TMEM273: variants seen among roughly 807,000 people sequenced by gnomAD.
TMEM273 encodes transmembrane protein 273.
TMEM273 carries 19 observed loss-of-function variants against 17.9 expected under a neutral mutation model. That is an observed-to-expected ratio of 1.06 (90% CI 0.74 to 1.55). TMEM273 has a LOEUF of 1.55. TMEM273 is among the 40% of genes most tolerant of loss of function. The probability of loss-of-function intolerance (pLI) is 0.00; values close to 1 mark genes in which losing one functional copy is unlikely to be tolerated. For missense variants in TMEM273, 194 were observed against 155.6 expected (o/e 1.25, Z -1.31); for synonymous variants, 66 against 62.0 (o/e 1.07, Z -0.31).
intron 6 of TMEM273, among the ~76,000 whole-genome samples, chr10:49,158,044 C>T (rs1845616084): frequency 6.6e-6 from 1 of 152,038 alleles, no homozygotes; most frequent in Non-Finnish European, 1.5e-5. Context: ...GACATAATGG[C>T]AAAAACTCCA....
chr10:49,185,577 C>T (rs1266696520), intron 1 of TMEM273, among the ~76,000 whole-genome samples: 1 of 152,184 alleles, frequency 6.6e-6, no homozygotes, highest in East Asian at 1.9e-4. Flanking sequence ...CTGTCATATT[C>T]GCTTTTTGTT....
chr10:49,177,616 G>A (rs926264293), intron 1 of TMEM273, among the ~76,000 whole-genome samples: 8 of 152,230 alleles, frequency 5.3e-5, no homozygotes, highest in African/African-American at 7.2e-5. Flanking sequence ...CACTGGCTCC[G>A]AGGAAGAGTC....
At chr10:49,176,911 C>T (rs1481148802) in intron 1 of TMEM273, among the ~76,000 whole-genome samples, 1 of 152,254 alleles carries the variant, frequency 6.6e-6, no homozygotes. Context: ...CAGCATGCCA[C>T]ATGTCTAAAT....
chr10:49,184,006 G>A (rs1432046439), intron 1 of TMEM273, among the ~76,000 whole-genome samples: 1 of 151,440 alleles, frequency 6.6e-6, no homozygotes, highest in Non-Finnish European at 1.5e-5. Flanking sequence ...CACAGAAGAT[G>A]AAGCCCATTA....
chr10:49,162,594 G>T (rs2725179), intron 5 of TMEM273, among the ~76,000 whole-genome samples: 3 of 151,982 alleles, frequency 2.0e-5, no homozygotes, highest in Non-Finnish European at 4.4e-5. Flanking sequence ...AGCCTTCCCC[G>T]TGGTGAGAAG....
At chr10:49,174,781 C>G (rs984534158) in intron 1 of TMEM273, among the ~76,000 whole-genome samples, 1 of 152,146 alleles carries the variant, frequency 6.6e-6, no homozygotes, top group Non-Finnish European at 1.5e-5. Context: ...CCCCCATCCA[C>G]GGAAAGACAA....
intron 6 of TMEM273, among the ~76,000 whole-genome samples, chr10:49,158,855 C>T (rs1272311857): frequency 6.6e-6 from 1 of 152,128 alleles, no homozygotes; most frequent in African/African-American, 2.4e-5. Flanking sequence ...ATGGATCAGA[C>T]ATCTAAGTAA....
intron 1 of TMEM273, among the ~76,000 whole-genome samples, chr10:49,185,850 T>G (rs1438869212): frequency 6.6e-6 from 1 of 151,674 alleles, no homozygotes; most frequent in Non-Finnish European, 1.5e-5. Flanking sequence ...CGGGGGCATG[T>G]GCCTGTAATC....
Position 49,167,141 on chromosome 10 carries a change from C to T in TMEM273, c.98-132G>A, listed in dbSNP as rs576761378. ...CACTGGCTGAGGCCAGCCTCACCTT[C>T]TACTCTCCCATGAGTCCCTTTGCTC... On this transcript the variant is annotated intron_variant, in intron 2 of 6. Transcript: ENST00000374153. The T allele has an allele frequency of 4.0e-5, 51 of 1,261,404 alleles. 1 individual carries two copies. In the South Asian group the frequency reaches 6.8e-4, roughly 17 times the overall value. The allele number at this position is 1,261,404 out of a possible 1,614,324, so 78.1% of individuals were successfully genotyped here. A position where few individuals can be genotyped will look rare whatever the true frequency, so the allele number is the denominator to read the frequency against.
At chr10:49,188,032 C>G (rs145094512) in intron 1 of TMEM273, among the ~76,000 whole-genome samples, 67 of 152,316 alleles carry the variant, frequency 4.4e-4, no homozygotes, top group African/African-American at 1.6e-3. Context: ...ACAGTTTACA[C>G]CCAGATGTTT....
rs1554850042 is a variant in TMEM273, at chr10:49,186,068, G to GAA, written c.43+2225_43+2226insTT. On this transcript the variant is annotated intron_variant, in intron 1 of 6. Transcript: ENST00000374153. ...AAGAAGAAGAGGAAGAAGAAGAAGA[G>GAA]GAAGAAGAAGAAGAAGAAGAAGAAG... is the stretch of plus-strand genomic sequence containing the variant. 2.2e-3 allele frequency among the ~76,000 whole-genome samples: 145 copies of GAA among 67,182 alleles called. 1 individual carries two copies. The highest frequency in any genetic ancestry group is 8.2e-3 in the Middle Eastern group (1 of 122). The allele number at this position is 67,182 out of a possible 152,430, so 44.1% of individuals were successfully genotyped here. A position where few individuals can be genotyped will look rare whatever the true frequency, so the allele number is the denominator to read the frequency against.
At chr10:49,178,409 C>G in intron 1 of TMEM273, 2 of 418,660 alleles carry the variant, frequency 4.8e-6, no homozygotes, top group Non-Finnish European at 9.7e-6. Context: ...GATCTCTCCC[C>G]TGACGGTGGT....
intron 5 of TMEM273, among the ~76,000 whole-genome samples, chr10:49,162,109 C>G (rs1157200379): frequency 6.6e-6 from 1 of 152,116 alleles, no homozygotes; most frequent in African/African-American, 2.4e-5. Context: ...CAAAATAACC[C>G]AGAACTTCCA....
chr10:49,154,876 C>G lies in TMEM273; in HGVS notation c.*1016G>C, dbSNP rs1306680305. ...TTGGGTAAGAGACGCCCTGGGAGTCCAGGCAAATCATGACAACACAGCACT... is the reference window on the plus strand; with the variant it reads ...TTGGGTAAGAGACGCCCTGGGAGTCGAGGCAAATCATGACAACACAGCACT... On this transcript the variant is annotated 3_prime_UTR_variant, in exon 7 of 7. Coordinates refer to ENST00000374153, the MANE Select transcript of TMEM273 (RefSeq NM_001288740.3). 6.6e-6 allele frequency: 1 copy of G among 152,192 alleles called. No homozygotes were observed. The highest frequency in any genetic ancestry group is 1.5e-5 in the Non-Finnish European group (1 of 68,038). The allele number at this position is 152,192 out of a possible 1,614,324, so 9.4% of individuals were successfully genotyped here.
At chr10:49,181,301 G>A (rs1847328154) in intron 1 of TMEM273, among the ~76,000 whole-genome samples, 1 of 152,140 alleles carries the variant, frequency 6.6e-6, no homozygotes, top group South Asian at 2.1e-4. Context: ...TTGATCTATA[G>A]GTTTAATGCA....
At chr10:49,172,512 C>G (rs1846642462) in intron 1 of TMEM273, among the ~76,000 whole-genome samples, 1 of 152,192 alleles carries the variant, frequency 6.6e-6, no homozygotes, top group South Asian at 2.1e-4. Flanking sequence ...AGACCCCCAG[C>G]CAACCCTACT....
intron 1 of TMEM273, among the ~76,000 whole-genome samples, chr10:49,187,861 C>T (rs952930100): frequency 1.3e-5 from 2 of 152,150 alleles, no homozygotes; most frequent in Admixed American, 1.3e-4. Flanking sequence ...TATCTACATG[C>T]CTACATGTTC....
chr10:49,155,637 C>T lies in TMEM273; in HGVS notation c.*255G>A, dbSNP rs1274959565. Reference sequence around the variant, plus strand: ...CACAGGGTGAAGCTTTTGGTGTCCACCTTCTTCCACTGCAGGCTAAATTGC... The same window carrying T: ...CACAGGGTGAAGCTTTTGGTGTCCATCTTCTTCCACTGCAGGCTAAATTGC... On this transcript the variant is annotated 3_prime_UTR_variant, in exon 7 of 7. Transcript: ENST00000374153. The T allele has an allele frequency of 1.7e-6, 1 of 576,498 alleles. No homozygotes were observed. The highest frequency in any genetic ancestry group is 2.1e-5 in the South Asian group (1 of 48,004). The allele number at this position is 576,498 out of a possible 1,614,324, so 35.7% of individuals were successfully genotyped here. A position where few individuals can be genotyped will look rare whatever the true frequency, so the allele number is the denominator to read the frequency against.
chr10:49,164,860 C>T (rs1846067466), intron 5 of TMEM273, among the ~76,000 whole-genome samples: 1 of 152,088 alleles, frequency 6.6e-6, no homozygotes, highest in African/African-American at 2.4e-5. Flanking sequence ...CACTGTGCAG[C>T]CACCACCTGG....
Sources: gnomAD v4.1 joint callset for allele counts (sites outside exome capture counted in the v4.1 genomes callset) on GRCh38, gnomAD v4.1.1 for gene constraint, MANE v1.5 for transcripts, NCBI Gene and HGNC (gene_info 2026-07-23, HGNC 2026-07-21) for gene names.